The following CRACD variants were observed in gnomAD, a reference collection of about 807,000 sequenced individuals.
The protein encoded by CRACD is capping protein inhibiting regulator of actin dynamics.
A neutral mutation model predicts 106.8 loss-of-function variants in CRACD; 56 were observed. The ratio of observed to expected loss-of-function variants is 0.52; its 90% CI spans 0.42 to 0.66. The LOEUF (loss-of-function observed/expected upper bound fraction) is 0.66. Ranked by LOEUF, CRACD falls within the 30% of genes least tolerant of loss-of-function variation. The pLI, the probability that CRACD is intolerant of heterozygous loss-of-function variation, is 0.00. For missense variants in CRACD, 1,730 were observed against 1,623.2 expected (o/e 1.07, Z -1.13); for synonymous variants, 754 against 670.8 (o/e 1.12, Z -1.92).
intron 2 of CRACD, among the ~76,000 whole-genome samples, chr4:56,254,921 T>C (rs138740016): frequency 6.6e-6 from 1 of 151,582 alleles, no homozygotes; most frequent in Non-Finnish European, 1.5e-5. Flanking sequence ...CTGGCCAACA[T>C]GGTGAAACCC....
At position 56,247,675 on chromosome 4, in the gene CRACD, G is replaced by A. The variant is rs186303673; in HGVS notation, c.-188-24646G>A. Among the ~76,000 whole-genome samples, 771 of 152,128 alleles carry A rather than the reference G, an allele frequency of 5.1e-3. 5 individuals carry two copies. The highest frequency in any genetic ancestry group is 0.018 in the African/African-American group (727 of 41,514). On this transcript the variant is annotated intron_variant, in intron 2 of 10. Coordinates refer to ENST00000682029, the MANE Select transcript of CRACD (RefSeq NM_001393381.1). Reference sequence around the variant, plus strand: ...AGCCTGGCCAGCAGGGCAAAACCCCGTCTCTACAAAAAATACAAAAATTAG... The same window carrying A: ...AGCCTGGCCAGCAGGGCAAAACCCCATCTCTACAAAAAATACAAAAATTAG...
rs74898799 is a variant in CRACD, at chr4:56,261,199, C to T, written c.-188-11122C>T. 3.1e-3 allele frequency among the ~76,000 whole-genome samples: 467 copies of T among 152,246 alleles called. 1 individual carries two copies. Among genetic ancestry groups the T allele is most frequent in the African/African-American group, 0.011 (442 of 41,546 alleles). ...CCTGCCAGTATTTTCCACCCAAAGTCAGTCATTGATTCACGGCACCCTCTG... is the reference window on the plus strand; with the variant it reads ...CCTGCCAGTATTTTCCACCCAAAGTTAGTCATTGATTCACGGCACCCTCTG... On this transcript the variant is annotated intron_variant, in intron 2 of 10. Coordinates refer to ENST00000682029, the MANE Select transcript of CRACD (RefSeq NM_001393381.1).
chr4:56,271,757 AT>A (rs1188520914), intron 2 of CRACD, among the ~76,000 whole-genome samples: 4 of 151,628 alleles, frequency 2.6e-5, no homozygotes, highest in African/African-American at 9.7e-5. Flanking sequence ...TTATTTATTT[AT>A]TTTTTGAGAC....
chr4:56,103,787 T>C (rs1192877239), intron 1 of CRACD, among the ~76,000 whole-genome samples: 1 of 152,260 alleles, frequency 6.6e-6, no homozygotes, highest in Non-Finnish European at 1.5e-5. Flanking sequence ...GTTGATGTTA[T>C]TTATTTTTTT....
intron 2 of CRACD, among the ~76,000 whole-genome samples, chr4:56,229,527 TTTTAGC>T (rs980787401): frequency 2.4e-4 from 37 of 152,182 alleles, no homozygotes; most frequent in African/African-American, 8.9e-4. Flanking sequence ...AGGTATTTTG[TTTTAGC>T]AGCCTGAATG....
At chr4:56,076,401 C>T (rs183323939) in intron 1 of CRACD, among the ~76,000 whole-genome samples, 33 of 152,170 alleles carry the variant, frequency 2.2e-4, no homozygotes, top group Admixed American at 1.6e-3. Flanking sequence ...AGAGTAACTA[C>T]CTTATTTTTT....
rs538244821 is a variant in CRACD at position 56,295,053 on chromosome 4, G to A, written c.-16-3161G>A. Among the ~76,000 whole-genome samples the A allele has an allele frequency of 3.7e-4, 56 of 151,718 alleles. No individual in the cohort carries two copies. The South Asian group carries it at 0.011, about 31-fold the overall frequency. On this transcript the variant is annotated intron_variant, in intron 3 of 10. Transcript: ENST00000682029. ...AAAAAGCTACAGCAATTAAGATAGTGTGTTATTGGTATAAAAACAGGTAAG... is the reference window on the plus strand; with the variant it reads ...AAAAAGCTACAGCAATTAAGATAGTATGTTATTGGTATAAAAACAGGTAAG...
chr4:56,174,887 A>C (rs1046752309), intron 1 of CRACD, among the ~76,000 whole-genome samples: 1 of 152,248 alleles, frequency 6.6e-6, no homozygotes, highest in African/African-American at 2.4e-5. Flanking sequence ...CAAAAAATTT[A>C]CAATCATGAC....
intron 1 of CRACD, among the ~76,000 whole-genome samples, chr4:56,050,829 A>G (rs901006867): frequency 2.3e-4 from 35 of 152,214 alleles, no homozygotes; most frequent in African/African-American, 7.7e-4. Context: ...CAAAAGCTTA[A>G]TTTTACAGTC....
intron 1 of CRACD, among the ~76,000 whole-genome samples, chr4:56,076,747 A>G (rs1194535234): frequency 6.6e-6 from 1 of 152,100 alleles, no homozygotes; most frequent in Non-Finnish European, 1.5e-5. Context: ...TGCCAGCCAT[A>G]CTGCACTGTG....
At chr4:56,163,160 G>C (rs1312351921) in intron 1 of CRACD, among the ~76,000 whole-genome samples, 2 of 152,124 alleles carry the variant, frequency 1.3e-5, no homozygotes, top group Non-Finnish European at 2.9e-5. Flanking sequence ...TCTGTGCCAG[G>C]TAGATGAGGA....
At chr4:56,136,348 T>C (rs1452591920) in intron 1 of CRACD, among the ~76,000 whole-genome samples, 1 of 152,174 alleles carries the variant, frequency 6.6e-6, no homozygotes, top group Non-Finnish European at 1.5e-5. Flanking sequence ...CTGTTTTCCA[T>C]AGTGTCTGTG....
chr4:56,301,890 C>T (rs1383162576), intron 4 of CRACD, among the ~76,000 whole-genome samples: 2 of 152,012 alleles, frequency 1.3e-5, no homozygotes, highest in African/African-American at 4.8e-5. Flanking sequence ...AAAAATAGTG[C>T]ACGTGCAGAG....
chr4:56,211,588 T>G lies in CRACD; in HGVS notation c.-189+32158T>G, dbSNP rs1344006249. On this transcript the variant is annotated intron_variant, in intron 2 of 10. Transcript: ENST00000682029. ...GAATTTTATTGAGCAAGGAAACAGC[T>G]CTCAGCGGAGAGGGGATGTGCAGGG... Among the ~76,000 whole-genome samples, 3 of 152,200 alleles carry G rather than the reference T, an allele frequency of 2.0e-5. No homozygotes were observed. In the East Asian group the frequency reaches 5.8e-4, roughly 29 times the overall value.
At chr4:56,183,307 A>C (rs1485812899) in intron 2 of CRACD, among the ~76,000 whole-genome samples, 3 of 151,358 alleles carry the variant, frequency 2.0e-5, no homozygotes, top group Non-Finnish European at 4.4e-5. Context: ...GGGGATTTTG[A>C]AAGCCTTGAA....
At chr4:56,257,794 G>A (rs187076014) in intron 2 of CRACD, among the ~76,000 whole-genome samples, 168 of 152,170 alleles carry the variant, frequency 1.1e-3, no homozygotes, top group African/African-American at 3.8e-3. Flanking sequence ...AACATTGGCC[G>A]GCCATGGTGG....
At chr4:56,259,718 G>A (rs564430212) in intron 2 of CRACD, among the ~76,000 whole-genome samples, 118 of 152,168 alleles carry the variant, frequency 7.8e-4, no homozygotes, top group African/African-American at 2.4e-3. Flanking sequence ...CCATTGAATT[G>A]GAAGCTGAGA....
At position 56,315,607 on chromosome 4, in the gene CRACD, G is replaced by C; in HGVS notation, c.2105G>C (p.Arg702Pro). Residue 702 changes from arginine (R) to proline (P), a missense_variant, in exon 8 of 11, where the codon CGG becomes CCG. By Grantham distance (103) the Arg-to-Pro change is moderately radical. This residue lies in a region of CRACD where 1,620 missense variants were observed against 1,481.6 expected (regional missense o/e 1.09). Transcript: ENST00000682029. This position sits in a 1 kb window ranked among gnomAD's most constrained non-coding sequence, Gnocchi z 4.1. Reference protein sequence around the residue: ...RPGDESTPRGRCDSRGNQRKT... With the variant: ...RPGDESTPRGPCDSRGNQRKT... ...GGTGATGAGTCCACTCCCAGGGGCC[G>C]GTGTGATTCCCGCGGGAACCAACGG... The C allele has an allele frequency of 2.5e-6, 4 of 1,614,188 alleles. No homozygotes were observed. Among genetic ancestry groups the C allele is most frequent in the Admixed American group, 1.7e-5 (1 of 60,032 alleles).
chr4:56,260,168 T>C (rs541117988), intron 2 of CRACD, among the ~76,000 whole-genome samples: 1 of 152,264 alleles, frequency 6.6e-6, no homozygotes, highest in Non-Finnish European at 1.5e-5. Context: ...TTGTTATGAA[T>C]GTGTTTGCAT....
Sources: gnomAD v4.1 joint callset for allele counts (sites outside exome capture counted in the v4.1 genomes callset) on GRCh38, gnomAD v4.1.1 for gene constraint, gnomAD v4.1.1 regional missense constraint, Gnocchi (gnomAD v3.1) non-coding constraint, MANE v1.5 for transcripts, NCBI Gene and HGNC (gene_info 2026-07-23, HGNC 2026-07-21) for gene names.